Variants in KYAT1 observed in about 807,000 individuals in gnomAD.
KYAT1 encodes kynurenine aminotransferase 1.
In KYAT1, 47 loss-of-function variants were observed where a neutral mutation model predicts 52.4. That is an observed-to-expected ratio of 0.90 (90% CI 0.71 to 1.14). KYAT1 has a LOEUF of 1.14. KYAT1 is among the 50% of genes most tolerant of loss of function. The pLI is 0.00. For synonymous variants in KYAT1, 212 were observed against 209.6 expected, an observed-to-expected ratio of 1.01 and a Z score of -0.10; for missense variants, 480 against 557.9, an observed-to-expected ratio of 0.86 and a Z score of 1.41.
intron 1 of KYAT1, chr9:128,846,600 C>CAA (rs57333664): frequency 8.7e-3 from 3,616 of 417,148 alleles, no homozygotes; most frequent in South Asian, 0.014. Context: ...AAGACTCTAC[C>CAA]AAAAAAAAAA....
intron 1 of KYAT1, among the ~76,000 whole-genome samples, chr9:128,861,670 G>A (rs576865795): frequency 6.6e-6 from 1 of 152,278 alleles, no homozygotes; most frequent in East Asian, 1.9e-4. Flanking sequence ...AGCAACAAAG[G>A]GTAGTGTTAC....
At chr9:128,856,513 G>A (rs1304844052) in intron 1 of KYAT1, among the ~76,000 whole-genome samples, 1 of 152,188 alleles carries the variant, frequency 6.6e-6, no homozygotes, top group Non-Finnish European at 1.5e-5. Context: ...GAAGACATAA[G>A]AAATTCCATT....
At chr9:128,869,903 G>A (rs560223652) in intron 1 of KYAT1, among the ~76,000 whole-genome samples, 7 of 151,958 alleles carry the variant, frequency 4.6e-5, no homozygotes, top group Admixed American at 6.6e-5. Context: ...ACAGGTGTTC[G>A]CCACTACGCC....
intron 1 of KYAT1, among the ~76,000 whole-genome samples, chr9:128,865,347 A>T (rs1564491788): frequency 0.2 from 470 of 2,406 alleles, 64 homozygotes; most frequent in African/African-American, 0.26. Context: ...ATATATATAT[A>T]TATATATATA....
intron 1 of KYAT1, among the ~76,000 whole-genome samples, chr9:128,868,437 G>A (rs186067334): frequency 6.6e-6 from 1 of 152,190 alleles, no homozygotes; most frequent in Non-Finnish European, 1.5e-5. Context: ...GCCCAGGCTG[G>A]AGAACAGTGG....
At chr9:128,834,922 G>T (rs1384389514) in intron 11 of KYAT1, among the ~76,000 whole-genome samples, 2 of 151,116 alleles carry the variant, frequency 1.3e-5, no homozygotes, top group Non-Finnish European at 2.9e-5. Context: ...GGATTACAAG[G>T]TCAGGAGATC....
chr9:128,837,599 C>T (rs1023964051), intron 6 of KYAT1, 86 bp downstream of exon 6: 94 of 1,492,768 alleles, frequency 6.3e-5, no homozygotes, highest in East Asian at 3.6e-4. Context: ...AACGAAGAAA[C>T]GGAGGCCCCA....
intron 1 of KYAT1, among the ~76,000 whole-genome samples, chr9:128,854,961 T>C (rs200026557): frequency 6.6e-6 from 1 of 152,204 alleles, no homozygotes; most frequent in East Asian, 1.9e-4. Context: ...GTGCCACCAA[T>C]AAATTTACTT....
intron 1 of KYAT1, among the ~76,000 whole-genome samples, chr9:128,877,962 A>C (rs2130855750): frequency 6.6e-6 from 1 of 152,256 alleles, no homozygotes; most frequent in East Asian, 1.9e-4. Context: ...CAAACCTTGG[A>C]CTTGGATCAA....
At chr9:128,845,001 G>A (rs1192418592) in intron 2 of KYAT1, among the ~76,000 whole-genome samples, 2 of 152,172 alleles carry the variant, frequency 1.3e-5, no homozygotes, top group African/African-American at 4.8e-5. Context: ...AAGTGAGAAA[G>A]AGTCATCCCT....
At chr9:128,848,127 C>T (rs952439458) in intron 1 of KYAT1, among the ~76,000 whole-genome samples, 1 of 151,916 alleles carries the variant, frequency 6.6e-6, no homozygotes, top group Non-Finnish European at 1.5e-5. Context: ...TGAGACCAGC[C>T]TGGGCAACAT....
chr9:128,875,530 T>G (rs1478332602), intron 1 of KYAT1, among the ~76,000 whole-genome samples: 1 of 151,952 alleles, frequency 6.6e-6, no homozygotes, highest in African/African-American at 2.4e-5. Flanking sequence ...GGAGAATCAC[T>G]TGAACCTGAG....
intron 3 of KYAT1, 74 bp downstream of exon 3, chr9:128,842,580 T>G (rs1832381989): frequency 6.9e-7 from 1 of 1,452,776 alleles, no homozygotes; most frequent in South Asian, 1.2e-5. Context: ...GCCTGACAGC[T>G]GTGTGGGCTT....
In KYAT1 at chr9:128,836,018, G is replaced by A; in HGVS notation, c.744C>T (p.Thr248=). The part of the protein sequence containing the change: ...RTLTIGSAGK[T]FSATGWKVGW... ...TCACCTTCCAGCCAGTGGCGCTGAAGGTCTTGCCGGCGCTGCCGATGGTCA... is the reference window on the plus strand; with the variant it reads ...TCACCTTCCAGCCAGTGGCGCTGAAAGTCTTGCCGGCGCTGCCGATGGTCA... The change falls in exon 8 of 13, where the codon ACC becomes ACT. Residue 248 remains threonine (T), a synonymous_variant. Transcript: ENST00000302586. 3 of 1,613,892 alleles carry A rather than the reference G, an allele frequency of 1.9e-6. No individual in the cohort carries two copies. The highest frequency in any genetic ancestry group is 2.5e-6 in the Non-Finnish European group (3 of 1,179,802).
At chr9:128,851,712 T>C (rs2119297327) in intron 1 of KYAT1, among the ~76,000 whole-genome samples, 1 of 152,304 alleles carries the variant, frequency 6.6e-6, no homozygotes, top group Middle Eastern at 3.4e-3. Context: ...TGTGATAGAT[T>C]GTGAAGAAGA....
At chr9:128,861,238 CCCACGTGT>C (rs1335622021) in intron 1 of KYAT1, among the ~76,000 whole-genome samples, 3 of 152,180 alleles carry the variant, frequency 2.0e-5, no homozygotes, top group African/African-American at 7.2e-5. Flanking sequence ...TCTCATAATT[CCCACGTGT>C]CCTGGGAGGG....
intron 1 of KYAT1, among the ~76,000 whole-genome samples, chr9:128,858,398 A>AAAAAAAT (rs1834975287): frequency 4.2e-5 from 6 of 144,404 alleles, no homozygotes; most frequent in Admixed American, 3.5e-4. Context: ...CCATGTATAA[A>AAAAAAAT]AAAAAAAAAA....
chr9:128,837,671 G>C lies in KYAT1; in HGVS notation c.567+14C>G. The stretch of plus-strand genomic sequence containing the variant: ...AGGTCCGCAGGGGGCCAGGGAAGGA[G>C]GTCCCTCCAGTACCTTGCCCAGGGG... On this transcript the variant is annotated intron_variant, in intron 6 of 12. Transcript: ENST00000302586. 7.4e-6 allele frequency: 12 copies of C among 1,613,942 alleles called. No individual in the cohort carries two copies. The highest frequency in any genetic ancestry group is 1.0e-5 in the Non-Finnish European group (12 of 1,179,928).
intron 1 of KYAT1, among the ~76,000 whole-genome samples, chr9:128,851,872 C>T (rs1427536098): frequency 1.3e-5 from 2 of 152,068 alleles, no homozygotes; most frequent in Non-Finnish European, 2.9e-5. Flanking sequence ...GGAAAAAGTC[C>T]AGAATCATTG....
Sources: gnomAD v4.1 joint callset for allele counts (sites outside exome capture counted in the v4.1 genomes callset) on GRCh38, gnomAD v4.1.1 for gene constraint, MANE v1.5 for transcripts, NCBI Gene and HGNC (gene_info 2026-07-23, HGNC 2026-07-21) for gene names.